Variants in STAU1 observed in about 807,000 individuals in gnomAD.
STAU1 encodes double-stranded RNA-binding protein Staufen homolog 1.
A neutral mutation model predicts 62.9 loss-of-function variants in STAU1; 13 were observed. That is an observed-to-expected ratio of 0.21 (90% CI 0.13 to 0.33). STAU1 has a LOEUF of 0.33. STAU1 is among the 10% of genes least tolerant of loss of function. The probability of loss-of-function intolerance (pLI) is 1.00; values close to 1 mark genes in which losing one functional copy is unlikely to be tolerated. For missense variants in STAU1, 571 were observed against 712.1 expected (o/e 0.80, Z 2.25); for synonymous variants, 269 against 265.1 (o/e 1.01, Z -0.14).
At chr20:49,129,979 GTATT>G (rs1427823750) in intron 6 of STAU1, among the ~76,000 whole-genome samples, 5 of 152,002 alleles carry the variant, frequency 3.3e-5, no homozygotes, top group African/African-American at 1.2e-4. Context: ...ATCCACTCAA[GTATT>G]TATTCAAGAA....
At chr20:49,125,103 G>A (rs113790218) in intron 6 of STAU1, among the ~76,000 whole-genome samples, 2 of 96,914 alleles carry the variant, frequency 2.1e-5, no homozygotes, top group Admixed American at 1.2e-4. Flanking sequence ...CCACAAAAGA[G>A]TATATGGTAT....
At chr20:49,133,513 C>A in intron 6 of STAU1, among the ~76,000 whole-genome samples, 1 of 152,162 alleles carries the variant, frequency 6.6e-6, no homozygotes, top group East Asian at 1.9e-4. Flanking sequence ...CCGGGGGAGA[C>A]CTCATGACTC....
chr20:49,194,429 CAAAA>C, the STAU1 span, among the ~76,000 whole-genome samples: 4 of 81,160 alleles, frequency 4.9e-5, no homozygotes, highest in Admixed American at 1.4e-4. Context: ...AACTCCGTCT[CAAAA>C]AAAAAAAAAA....
intron 1 of STAU1, among the ~76,000 whole-genome samples, chr20:49,182,866 T>C (rs1051741927): frequency 6.8e-6 from 1 of 147,634 alleles, no homozygotes; most frequent in Non-Finnish European, 1.5e-5. Flanking sequence ...TAGTAGACGG[T>C]GTTCAGCACC....
At chr20:49,200,607 A>C in the STAU1 span, among the ~76,000 whole-genome samples, 3,670 of 151,958 alleles carry the variant, frequency 0.024, 94 homozygotes, top group African/African-American at 0.069. Context: ...TCTCAAAAAA[A>C]AAACAAACAA....
rs149496227 is a variant in STAU1 at position 49,122,979 on chromosome 20, A to G, written c.966+113T>C. On this transcript the variant is annotated intron_variant, in intron 8 of 13. Transcript: ENST00000371856. ...TAAGGATCACAGTCGCTGGCAGAAC[A>G]TGGCCCACAGGATCCAGCCTCCTCA... The G allele has an allele frequency of 2.2e-4, 248 of 1,114,146 alleles. No individual in the cohort carries two copies. In the African/African-American group the frequency reaches 3.7e-3, roughly 17 times the overall value. 69.0% of individuals were successfully genotyped at this position (1,114,146 alleles called of 1,614,324 possible). A position where few individuals can be genotyped will look rare whatever the true frequency, so the allele number is the denominator to read the frequency against.
chr20:49,187,022 T>C (rs1320149992), intron 1 of STAU1, among the ~76,000 whole-genome samples: 1 of 151,944 alleles, frequency 6.6e-6, no homozygotes, highest in East Asian at 1.9e-4. Context: ...GGGGTGAATA[T>C]AAGCAAAGCT....
chr20:49,119,666 C>T (rs575763831), intron 9 of STAU1, among the ~76,000 whole-genome samples: 27 of 152,306 alleles, frequency 1.8e-4, no homozygotes, highest in African/African-American at 5.3e-4. Flanking sequence ...GCAAATCACA[C>T]TTAGTAATTT....
chr20:49,198,632 C>T, the STAU1 span, among the ~76,000 whole-genome samples: 1 of 151,760 alleles, frequency 6.6e-6, no homozygotes, highest in Non-Finnish European at 1.5e-5. Context: ...TAATTCAAGA[C>T]TAGCCTGGCC....
At chr20:49,180,830 C>T (rs769343797) in intron 1 of STAU1, among the ~76,000 whole-genome samples, 2 of 152,166 alleles carry the variant, frequency 1.3e-5, no homozygotes, top group Non-Finnish European at 2.9e-5. Context: ...GACTTTCTTT[C>T]AAATTGATCT....
In STAU1 at chr20:49,130,036, T is replaced by C. The variant is rs534665124; in HGVS notation, c.610-5449A>G. Reference sequence around the variant, plus strand: ...CACAGATGTATATAAATGTTTACAGTAGATTTATTAATAATCACCAAAAAC... The same window carrying C: ...CACAGATGTATATAAATGTTTACAGCAGATTTATTAATAATCACCAAAAAC... On this transcript the variant is annotated intron_variant, in intron 6 of 13. Transcript: ENST00000371856. Among the ~76,000 whole-genome samples the C allele has an allele frequency of 1.5e-3, 236 of 152,288 alleles. 4 individuals are homozygous for C. The highest frequency in any genetic ancestry group is 5.0e-3 in the African/African-American group (209 of 41,544).
intron 5 of STAU1, among the ~76,000 whole-genome samples, chr20:49,137,919 A>G (rs2092925079): frequency 6.8e-6 from 1 of 146,580 alleles, no homozygotes; most frequent in African/African-American, 2.5e-5. Flanking sequence ...ACTTCAGGTG[A>G]TCCGCCCACC....
chr20:49,212,137 A>C, the STAU1 span, among the ~76,000 whole-genome samples: 2 of 152,086 alleles, frequency 1.3e-5, no homozygotes, highest in Admixed American at 1.3e-4. Context: ...CTACAGGTAC[A>C]TACCACCATG....
the STAU1 span, among the ~76,000 whole-genome samples, chr20:49,207,963 C>T: frequency 2.6e-5 from 4 of 152,096 alleles, no homozygotes; most frequent in East Asian, 1.9e-4. Context: ...TCACTGTAAC[C>T]GCTGCCTCCC....
chr20:49,201,980 G>C, the STAU1 span, among the ~76,000 whole-genome samples: 1 of 152,004 alleles, frequency 6.6e-6, no homozygotes. Context: ...CAGCACTTTG[G>C]GAGGCCGAGG....
chr20:49,182,778 G>T (rs572356497), intron 1 of STAU1, among the ~76,000 whole-genome samples: 8 of 150,510 alleles, frequency 5.3e-5, no homozygotes, highest in Admixed American at 4.0e-4. Flanking sequence ...GGTGGAGCTT[G>T]CAGTGAGCCG....
intron 6 of STAU1, among the ~76,000 whole-genome samples, chr20:49,127,653 C>T (rs1568837789): frequency 6.6e-6 from 1 of 151,990 alleles, no homozygotes; most frequent in Non-Finnish European, 1.5e-5. Context: ...TTGCAGTGAG[C>T]TGAGATCGCG....
chr20:49,146,810 A>C (rs1202674233), intron 5 of STAU1, among the ~76,000 whole-genome samples: 1 of 152,060 alleles, frequency 6.6e-6, no homozygotes, highest in Non-Finnish European at 1.5e-5. Context: ...ATCCCTTTTC[A>C]TGCCTGCCTA....
chr20:49,149,021 T>C (rs1275341929), intron 5 of STAU1, among the ~76,000 whole-genome samples: 1 of 152,020 alleles, frequency 6.6e-6, no homozygotes, highest in Non-Finnish European at 1.5e-5. Flanking sequence ...AAGGCCAAGG[T>C]GGTCAGATCA....
Sources: allele counts gnomAD v4.1 joint callset (sites outside exome capture counted in the v4.1 genomes callset), GRCh38; gene constraint gnomAD v4.1.1; transcripts MANE v1.5; gene names NCBI Gene and HGNC (gene_info 2026-07-23, HGNC 2026-07-21).